The following FCHSD1 variants were observed in gnomAD, a reference collection of about 807,000 sequenced individuals.
FCHSD1 encodes FCH and double SH3 domains 1.
FCHSD1 carries 109 observed loss-of-function variants against 101.3 expected under a neutral mutation model. The observed-to-expected ratio is 1.08, with a 90% CI of 0.92 to 1.26. The LOEUF is 1.26. Among genes scored for constraint, FCHSD1 ranks in the 50% most tolerant of loss-of-function variants. The pLI, the probability that FCHSD1 is intolerant of heterozygous loss-of-function variation, is 0.00. For missense variants in FCHSD1, 820 were observed against 895.8 expected (o/e 0.92, Z 1.08); for synonymous variants, 291 against 356.8 (o/e 0.82, Z 2.08).
intron 2 of FCHSD1, 119 bp from the exon 3 acceptor site, chr5:141,650,523 G>A (rs1335881244): frequency 1.8e-6 from 2 of 1,110,530 alleles, no homozygotes; most frequent in African/African-American, 1.5e-5. Context: ...CAGGTTCCTA[G>A]AGTGTAACTA....
At chr5:141,642,529 G>A in intron 18 of FCHSD1, 1 of 536,580 alleles carries the variant, frequency 1.9e-6, no homozygotes, top group South Asian at 2.5e-5. Flanking sequence ...AAATAAAACT[G>A]CTATAGACAT....
chr5:141,639,329 T>C lies in FCHSD1; in HGVS notation c.*2169A>G. The C allele has an allele frequency of 1.5e-6, 1 of 689,436 alleles. No individual in the cohort carries two copies. The highest frequency in any genetic ancestry group is 3.0e-5 in the Admixed American group (1 of 33,646). 42.7% of individuals were successfully genotyped at this position (689,436 alleles called of 1,614,324 possible). A position where few individuals can be genotyped will look rare whatever the true frequency, so the allele number is the denominator to read the frequency against. ...ACATCTTAATATTGAGTTTATTAGATAAAGACAAGAAAAAATGGGGCTTGG... is the reference window on the plus strand; with the variant it reads ...ACATCTTAATATTGAGTTTATTAGACAAAGACAAGAAAAAATGGGGCTTGG... On this transcript the variant is annotated 3_prime_UTR_variant, in exon 20 of 20. Transcript: ENST00000435817. The surrounding 1 kb of genome is among the most constrained non-coding windows in gnomAD (Gnocchi z 4.4).
At position 141,640,758 on chromosome 5, in the gene FCHSD1, C is replaced by A; in HGVS notation, c.*740G>T. On this transcript the variant is annotated 3_prime_UTR_variant, in exon 20 of 20. Coordinates refer to ENST00000435817, the MANE Select transcript of FCHSD1 (RefSeq NM_033449.3). ...CCCTCCCCTCCACTGGACAGCACTGCCCCCCAGCTGAGGGACCAGCTCTAC... is the reference window on the plus strand; with the variant it reads ...CCCTCCCCTCCACTGGACAGCACTGACCCCCAGCTGAGGGACCAGCTCTAC... 1.6e-6 allele frequency: 2 copies of A among 1,276,900 alleles called. No individual in the cohort carries two copies. The highest frequency in any genetic ancestry group is 2.5e-5 in the East Asian group (1 of 39,634). The allele number at this position is 1,276,900 out of a possible 1,614,324, so 79.1% of individuals were successfully genotyped here. A position where few individuals can be genotyped will look rare whatever the true frequency, so the allele number is the denominator to read the frequency against.
In FCHSD1 at chr5:141,639,574, T is replaced by C. The variant is rs766056651; in HGVS notation, c.*1924A>G. The C allele has an allele frequency of 6.8e-6, 11 of 1,613,848 alleles. No homozygotes were observed. In the East Asian group the frequency reaches 2.2e-4, roughly 33 times the overall value. The stretch of plus-strand genomic sequence containing the variant: ...TGCAGCCGCAGCAAGAGGCCTCCAC[T>C]TGTCCGTCAGGGACGCTCCAAGGAA... On this transcript the variant is annotated 3_prime_UTR_variant, in exon 20 of 20. Coordinates refer to ENST00000435817, the MANE Select transcript of FCHSD1 (RefSeq NM_033449.3). This position sits in a 1 kb window ranked among gnomAD's most constrained non-coding sequence, Gnocchi z 4.4.
In FCHSD1 at chr5:141,649,386, G is replaced by C. The variant is rs771770212; in HGVS notation, c.375+9C>G. ...CAGCTCTTCCTTCACCCCAACCTCTGAGCCATACCTTCCTAAGCACCTGCT... is the reference window on the plus strand; with the variant it reads ...CAGCTCTTCCTTCACCCCAACCTCTCAGCCATACCTTCCTAAGCACCTGCT... On this transcript the variant is annotated intron_variant, in intron 5 of 19. Coordinates refer to ENST00000435817, the MANE Select transcript of FCHSD1 (RefSeq NM_033449.3). The surrounding 1 kb of genome is among the most constrained non-coding windows in gnomAD (Gnocchi z 4.1). 6.2e-7 allele frequency: 1 copy of C among 1,613,950 alleles called. No individual in the cohort carries two copies. The highest frequency in any genetic ancestry group is 8.5e-7 in the Non-Finnish European group (1 of 1,179,862).
At chr5:141,642,925 G>A in intron 18 of FCHSD1, 76 bp downstream of exon 18, 1 of 1,425,234 alleles carries the variant, frequency 7.0e-7, no homozygotes, top group East Asian at 2.5e-5. Context: ...GAGGACCAGA[G>A]CGTGACCTGG....
intron 18 of FCHSD1, chr5:141,642,452 C>T (rs1245784873): frequency 5.9e-6 from 4 of 680,808 alleles, no homozygotes; most frequent in East Asian, 2.8e-5. Flanking sequence ...GCCCAATCTC[C>T]ACCAGTATGC....
intron 2 of FCHSD1, 65 bp downstream of exon 2, chr5:141,650,955 A>C: frequency 7.0e-7 from 1 of 1,422,426 alleles, no homozygotes; most frequent in Non-Finnish European, 9.7e-7. Context: ...CAGCACATGT[A>C]TATTGGGGAG....
Position 141,646,635 on chromosome 5 carries a change from G to A in FCHSD1, c.1012C>T (p.Arg338Cys), listed in dbSNP as rs752322270. 6 of 1,613,078 alleles carry A rather than the reference G, an allele frequency of 3.7e-6. No homozygotes were observed. Among genetic ancestry groups the A allele is most frequent in the South Asian group, 3.3e-5 (3 of 90,926 alleles). Reference sequence around the variant, plus strand: ...CCATGGTTCTGGATCTTGTAGTCACGGGCAGCTCGGCTGGTCAAGCGCTGA... The same window carrying A: ...CCATGGTTCTGGATCTTGTAGTCACAGGCAGCTCGGCTGGTCAAGCGCTGA... ...EVQRLTSRAA[R>C]DYKIQNHGHR... Residue 338 changes from arginine (R) to cysteine (C), a missense_variant, in exon 11 of 20, where the codon CGT (arginine) becomes TGT (cysteine). Coordinates refer to ENST00000435817, the MANE Select transcript of FCHSD1 (RefSeq NM_033449.3).
At position 141,641,506 on chromosome 5, in the gene FCHSD1, G is replaced by C. The variant is rs757901068; in HGVS notation, c.2065C>G (p.Leu689Val). 2.9e-5 allele frequency: 44 copies of C among 1,497,418 alleles called. No homozygotes were observed. Among genetic ancestry groups the C allele is most frequent in the Non-Finnish European group, 3.8e-5 (43 of 1,124,038 alleles). The allele number at this position is 1,497,418 out of a possible 1,614,324, so 92.8% of individuals were successfully genotyped here. A position where few individuals can be genotyped will look rare whatever the true frequency, so the allele number is the denominator to read the frequency against. Residue 689 changes from leucine to valine, a missense_variant, in exon 20 of 20, where the codon CTC (leucine) becomes GTC (valine). By Grantham distance (32) the Leu-to-Val change is conservative (BLOSUM62 1). Transcript: ENST00000435817. The stretch of plus-strand genomic sequence containing the variant: ...CAAGGCTTCCCTGGCCTTCAGGTGA[G>C]GGGATCTGGGTGGCCAGGATCCGGG... ...KAPDPGHPDP[L>V]T
In FCHSD1 at chr5:141,649,673, G is replaced by T; in HGVS notation, c.234-137C>A. 2.3e-6 allele frequency: 3 copies of T among 1,312,030 alleles called. No individual in the cohort carries two copies. The highest frequency in any genetic ancestry group is 2.0e-6 in the Non-Finnish European group (2 of 976,824). 81.3% of individuals were successfully genotyped at this position (1,312,030 alleles called of 1,614,324 possible). A position where few individuals can be genotyped will look rare whatever the true frequency, so the allele number is the denominator to read the frequency against. ...TCCCTTGTCTGGGAGCCCATCAATC[G>T]ATCAGCCCATTAGCTCAGCCACAAG... On this transcript the variant is annotated intron_variant, in intron 4 of 19. Transcript: ENST00000435817. This position sits in a 1 kb window ranked among gnomAD's most constrained non-coding sequence, Gnocchi z 4.1.
At position 141,644,383 on chromosome 5, in the gene FCHSD1, GC is replaced by G. The variant is rs1396261672; in HGVS notation, c.1697del (p.Ser566ThrfsTer18). 4.3e-6 allele frequency: 7 copies of G among 1,613,826 alleles called. No homozygotes were observed. The African/African-American group carries it at 8.0e-5, about 18-fold the overall frequency. Reference protein sequence around the residue: ...SYTGQSAEELSFPEGALIRLL... With the variant: ...SYTGQSAEELXFPEGALIRLL... ...GACGGATGAGTGCCCCCTCAGGGAA[GC>G]TCAGCTCCTCTGCACTCTGTCCGGT... On this transcript the variant is annotated frameshift_variant, in exon 17 of 20. Coordinates refer to ENST00000435817, the MANE Select transcript of FCHSD1 (RefSeq NM_033449.3). LOFTEE classifies it high-confidence loss of function.
Position 141,649,798 on chromosome 5 carries a change from C to A in FCHSD1, c.233+89G>T. On this transcript the variant is annotated intron_variant, in intron 4 of 19. Transcript: ENST00000435817. This position sits in a 1 kb window ranked among gnomAD's most constrained non-coding sequence, Gnocchi z 4.1. The stretch of plus-strand genomic sequence containing the variant: ...ACCTACAGCTCACGTGCCTTCCCCA[C>A]TTGCTAGGCCTTCATCCCCACAGGT... The A allele has an allele frequency of 6.9e-7, 1 of 1,453,740 alleles. No individual in the cohort carries two copies. The highest frequency in any genetic ancestry group is 9.2e-7 in the Non-Finnish European group (1 of 1,082,830). 90.1% of individuals were successfully genotyped at this position (1,453,740 alleles called of 1,614,324 possible).
Position 141,644,852 on chromosome 5 carries a change from T to A in FCHSD1, c.1524+7A>T, listed in dbSNP as rs764758017. ...CCCAAGGTCAGAGCCCGGGGTCCCA[T>A]ACCCACCTTGACCCATTCGTCAGCA... On this transcript the variant is annotated splice_region_variant and intron_variant, in intron 15 of 19. Transcript: ENST00000435817. 3 of 1,613,210 alleles carry A rather than the reference T, an allele frequency of 1.9e-6. No individual in the cohort carries two copies. The highest frequency in any genetic ancestry group is 1.3e-5 in the African/African-American group (1 of 74,970).
In FCHSD1 at chr5:141,641,689, C is replaced by T. The variant is rs2099906917; in HGVS notation, c.2007+13G>A. Reference sequence around the variant, plus strand: ...CCTCTACATACAATCTCCTCCAAGGCAAGGGCCCTTACCGGCCTGAGTCGA... The same window carrying T: ...CCTCTACATACAATCTCCTCCAAGGTAAGGGCCCTTACCGGCCTGAGTCGA... On this transcript the variant is annotated intron_variant, in intron 19 of 19. Transcript: ENST00000435817. The T allele has an allele frequency of 6.2e-7, 1 of 1,614,012 alleles. No homozygotes were observed. Among genetic ancestry groups the T allele is most frequent in the African/African-American group, 1.3e-5 (1 of 75,058 alleles).
chr5:141,647,130 C>G lies in FCHSD1; in HGVS notation c.924+5G>C. The G allele has an allele frequency of 1.2e-6, 2 of 1,600,156 alleles. No individual in the cohort carries two copies. ...GCCTGGTTCCAACAAGCAGGAAGAT[C>G]TCACCTGATCAGTCCCTGCTGGCTG... On this transcript the variant is annotated splice_donor_5th_base_variant and intron_variant, in intron 10 of 19. Transcript: ENST00000435817.
intron 10 of FCHSD1, 149 bp downstream of exon 10, chr5:141,646,986 C>T: frequency 1.1e-6 from 1 of 879,680 alleles, no homozygotes; most frequent in Non-Finnish European, 1.7e-6. Context: ...TTGTGTGTGT[C>T]CTGTTGGGAG....
At position 141,639,955 on chromosome 5, in the gene FCHSD1, T is replaced by C. The variant is rs1198481698; in HGVS notation, c.*1543A>G. The stretch of plus-strand genomic sequence containing the variant: ...ACACACATTGAGAAGCGCTATGGAC[T>C]GCACGAACACCGTGATGGCTCCCCC... On this transcript the variant is annotated 3_prime_UTR_variant, in exon 20 of 20. Coordinates refer to ENST00000435817, the MANE Select transcript of FCHSD1 (RefSeq NM_033449.3). The surrounding 1 kb of genome is among the most constrained non-coding windows in gnomAD (Gnocchi z 4.4). The C allele has an allele frequency of 5.6e-6, 9 of 1,613,896 alleles. No homozygotes were observed. Among genetic ancestry groups the C allele is most frequent in the Middle Eastern group, 3.3e-4 (2 of 6,076 alleles).
At chr5:141,645,296 C>T (rs1596462566) in intron 13 of FCHSD1, 148 bp from the exon 14 acceptor site, 1 of 1,137,934 alleles carries the variant, frequency 8.8e-7, no homozygotes, top group Non-Finnish European at 1.2e-6. Flanking sequence ...CCACAGTCAC[C>T]ACAGAGCAGG....
Sources: allele counts gnomAD v4.1 joint callset, GRCh38; gene constraint gnomAD v4.1.1; non-coding constraint Gnocchi (gnomAD v3.1); transcripts MANE v1.5; gene names NCBI Gene and HGNC (gene_info 2026-07-23, HGNC 2026-07-21).